The following ENKUR variants were observed in gnomAD, a reference collection of about 807,000 sequenced individuals.
The protein encoded by ENKUR is enkurin.
In ENKUR, 19 loss-of-function variants were observed where a neutral mutation model predicts 27.6. The observed-to-expected ratio is 0.69, with a 90% CI of 0.48 to 1.01. The LOEUF is 1.01. ENKUR is among the 50% of genes least tolerant of loss of function. The pLI is 0.00. For synonymous variants in ENKUR, 117 were observed against 96.9 expected (o/e 1.21, Z -1.22); for missense variants, 312 against 310.5 (o/e 1.00, Z -0.04).
At chr10:25,052,018 T>G (rs1851191274) in intron 2 of ENKUR, among the ~76,000 whole-genome samples, 1 of 152,218 alleles carries the variant, frequency 6.6e-6, no homozygotes, top group Non-Finnish European at 1.5e-5. Flanking sequence ...AAAATTCACA[T>G]TAGGCAGCAA....
At chr10:25,047,028 C>T (rs963983615) in intron 2 of ENKUR, among the ~76,000 whole-genome samples, 5 of 152,088 alleles carry the variant, frequency 3.3e-5, no homozygotes, top group African/African-American at 2.4e-5. Context: ...TGCTTTTCAC[C>T]GAATAAAATT....
chr10:25,025,638 C>T (rs1303586433), intron 2 of ENKUR: 2 of 623,778 alleles, frequency 3.2e-6, no homozygotes, highest in African/African-American at 1.8e-5. Flanking sequence ...GATCTTTAAT[C>T]TGGAAGTGAC....
At chr10:24,993,876 T>A (rs1317901041) in intron 3 of ENKUR, among the ~76,000 whole-genome samples, 1 of 152,148 alleles carries the variant, frequency 6.6e-6, no homozygotes, top group Non-Finnish European at 1.5e-5. Context: ...GGTGGTGGCA[T>A]GACCAGTAAA....
chr10:25,060,564 C>T (rs1343986228), intron 2 of ENKUR, among the ~76,000 whole-genome samples: 1 of 152,080 alleles, frequency 6.6e-6, no homozygotes, highest in Non-Finnish European at 1.5e-5. Context: ...TGCCGTTTTC[C>T]AAGAGGGAAC....
chr10:25,031,043 G>A (rs1245901434), intron 2 of ENKUR, among the ~76,000 whole-genome samples: 2 of 152,148 alleles, frequency 1.3e-5, no homozygotes, highest in Non-Finnish European at 2.9e-5. Context: ...GCTTGAATCC[G>A]GGAGGCAGAG....
In ENKUR at chr10:25,016,071, A is replaced by G. The variant is rs1316170525; in HGVS notation, c.-135T>C. The G allele has an allele frequency of 7.1e-7, 1 of 1,405,218 alleles. No individual in the cohort carries two copies. The highest frequency in any genetic ancestry group is 9.3e-7 in the Non-Finnish European group (1 of 1,075,524). 87.0% of individuals were successfully genotyped at this position (1,405,218 alleles called of 1,614,324 possible). ...AAGGACCACAGGTTCTCTCCTTCAC[A>G]TCGTCCCCCTTTAACCCCCTCTTAG... On this transcript the variant is annotated 5_prime_UTR_variant, in exon 1 of 6. It removes an upstream start codon present in the reference 5' UTR. Coordinates refer to ENST00000331161, the MANE Select transcript of ENKUR (RefSeq NM_145010.4).
chr10:24,993,526 G>T (rs1849973972), intron 3 of ENKUR, among the ~76,000 whole-genome samples: 1 of 152,112 alleles, frequency 6.6e-6, no homozygotes, highest in Non-Finnish European at 1.5e-5. Flanking sequence ...GGTATGAATG[G>T]CATATAATTC....
rs184534805 is a variant in ENKUR at position 25,044,822 on chromosome 10, C to T, written c.37+16290G>A. Among the ~76,000 whole-genome samples, 373 of 152,338 alleles carry T rather than the reference C, an allele frequency of 2.4e-3. 5 individuals are homozygous for T. Among genetic ancestry groups the T allele is most frequent in the African/African-American group, 8.3e-3 (346 of 41,582 alleles). On this transcript the variant is annotated intron_variant, in intron 2 of 5. Coordinates refer to the ENKUR transcript ENST00000615958. ...AGTATCCTTGGAGTCTTGCCTTGTA[C>T]ATGCTCCATTCAAGAATCAGCCAAG...
intron 2 of ENKUR, among the ~76,000 whole-genome samples, chr10:25,054,467 T>TTC (rs760976783): frequency 1.0e-5 from 1 of 97,958 alleles, no homozygotes; most frequent in African/African-American, 3.4e-5. Flanking sequence ...TTTTCTTTCT[T>TTC]TCTTTCTTTC....
In ENKUR at chr10:24,995,737, T is replaced by C; in HGVS notation, c.356A>G (p.Lys119Arg). ...NAADIIMGVA[K>R]KPKPIYVDKR... ...ATCAACATAAATTGGTTTAGGCTTT[T>C]TAGCCACTCCCATGATGATATCAGC... Residue 119 changes from lysine to arginine, a missense_variant, in exon 3 of 6, where the codon AAA becomes AGA. Lys to Arg is a conservative substitution (Grantham distance 26). Coordinates refer to ENST00000331161, the MANE Select transcript of ENKUR (RefSeq NM_145010.4). 6.2e-7 allele frequency: 1 copy of C among 1,614,110 alleles called. No homozygotes were observed. Among genetic ancestry groups the C allele is most frequent in the Admixed American group, 1.7e-5 (1 of 60,030 alleles).
intron 2 of ENKUR, chr10:25,025,386 G>A (rs1230485955): frequency 6.2e-7 from 1 of 1,614,164 alleles, no homozygotes; most frequent in Non-Finnish European, 8.5e-7. Context: ...TGGAGTACCA[G>A]GTCTGTGCAG....
At chr10:25,030,079 A>C (rs1850918170) in intron 2 of ENKUR, among the ~76,000 whole-genome samples, 1 of 152,160 alleles carries the variant, frequency 6.6e-6, no homozygotes, top group Admixed American at 6.5e-5. Flanking sequence ...TCCCCTCTTG[A>C]GTGCCTTTCC....
chr10:25,020,331 A>G (rs1444167854), upstream of ENKUR, among the ~76,000 whole-genome samples: 1 of 151,778 alleles, frequency 6.6e-6, no homozygotes, highest in Admixed American at 6.6e-5. Flanking sequence ...TTTAAAAACA[A>G]GAGGGTAGAG....
At chr10:25,054,502 TTTCTTTCTTTCC>T (rs1202228105) in intron 2 of ENKUR, among the ~76,000 whole-genome samples, 4 of 140,868 alleles carry the variant, frequency 2.8e-5, no homozygotes, top group Non-Finnish European at 6.2e-5. Context: ...TCTTTCTTTC[TTTCTTTCTTTCC>T]TTTCTTTCTT....
intron 2 of ENKUR, chr10:25,024,070 C>T: frequency 6.2e-7 from 1 of 1,614,134 alleles, no homozygotes; most frequent in African/African-American, 1.3e-5. Context: ...GTGGAAAAGC[C>T]TAGTAGGAGC....
At chr10:25,061,112 C>G (rs751880550) in exon 2 of ENKUR, 1 of 1,536,070 alleles carries the variant, frequency 6.5e-7, no homozygotes, top group South Asian at 1.2e-5. Flanking sequence ...TCAGTATTAC[C>G]TGGGGAGCCA....
chr10:25,048,049 C>T (rs1428281115), intron 2 of ENKUR, among the ~76,000 whole-genome samples: 2 of 152,172 alleles, frequency 1.3e-5, no homozygotes, highest in African/African-American at 4.8e-5. Flanking sequence ...AATCTCTACA[C>T]CACAGAGAAA....
intron 2 of ENKUR, among the ~76,000 whole-genome samples, chr10:25,023,021 A>T (rs546252889): frequency 6.6e-6 from 1 of 152,314 alleles, no homozygotes; most frequent in African/African-American, 2.4e-5. Context: ...TTGGGTTGGA[A>T]TACTTTTTTT....
intron 1 of ENKUR, among the ~76,000 whole-genome samples, chr10:25,012,039 C>A (rs995892129): frequency 3.3e-5 from 5 of 152,188 alleles, no homozygotes; most frequent in Admixed American, 2.6e-4. Flanking sequence ...TGAGTCACAG[C>A]CATGGCTAAA....
Sources: allele counts gnomAD v4.1 joint callset (sites outside exome capture counted in the v4.1 genomes callset), GRCh38; gene constraint gnomAD v4.1.1; transcripts MANE v1.5; gene names NCBI Gene and HGNC (gene_info 2026-07-23, HGNC 2026-07-21).